COL27A1: variants seen among roughly 807,000 people sequenced by gnomAD.
COL27A1 encodes collagen alpha-1(XXVII) chain.
Under a neutral mutation model 251.3 loss-of-function variants are expected in COL27A1, and 106 were observed. The ratio of observed to expected loss-of-function variants is 0.42; its 90% CI spans 0.36 to 0.50. COL27A1 has a LOEUF of 0.50. Among genes scored for constraint, COL27A1 ranks in the 20% least tolerant of loss-of-function variants. The probability of loss-of-function intolerance (pLI) is 0.00; values close to 1 mark genes in which losing one functional copy is unlikely to be tolerated. For missense variants in COL27A1, 2,325 were observed against 2,522.8 expected (o/e 0.92, Z 1.68); for synonymous variants, 1,000 against 986.3 (o/e 1.01, Z -0.26).
rs760595254 is a variant in COL27A1 at position 114,288,910 on chromosome 9, C to G, written c.4099-4C>G. On this transcript the variant is annotated splice_region_variant and splice_polypyrimidine_tract_variant and intron_variant, in intron 43 of 60. Transcript: ENST00000356083. ...CCCCTCACCTGTCTCTCTTTGGCTT[C>G]CAGGGACAGGAGGGTGTGCAAGGCC... The G allele has an allele frequency of 1.2e-6, 2 of 1,613,696 alleles. No individual in the cohort carries two copies. The highest frequency in any genetic ancestry group is 1.7e-6 in the Non-Finnish European group (2 of 1,179,954).
At chr9:114,189,875 T>C (rs150284237) in intron 5 of COL27A1, among the ~76,000 whole-genome samples, 2 of 152,348 alleles carry the variant, frequency 1.3e-5, no homozygotes, top group African/African-American at 4.8e-5. Flanking sequence ...TGAATCACCT[T>C]ATTAATTCTA....
intron 24 of COL27A1, among the ~76,000 whole-genome samples, chr9:114,246,807 C>T (rs1833166879): frequency 6.6e-6 from 1 of 151,776 alleles, no homozygotes; most frequent in Non-Finnish European, 1.5e-5. Context: ...CATTCGAGCG[C>T]ATTCTGTGGG....
At chr9:114,203,157 T>C (rs896611092) in intron 7 of COL27A1, among the ~76,000 whole-genome samples, 9 of 152,186 alleles carry the variant, frequency 5.9e-5, no homozygotes, top group African/African-American at 1.9e-4. Context: ...TTTTTATACC[T>C]CCTTAATTAG....
chr9:114,303,532 G>C (rs1249751), intron 56 of COL27A1, among the ~76,000 whole-genome samples: 86,497 of 151,994 alleles, frequency 0.57, 24,899 homozygotes, highest in Admixed American at 0.63. Flanking sequence ...AGCCACCGTG[G>C]CCGGGCTACA....
intron 1 of COL27A1, among the ~76,000 whole-genome samples, chr9:114,159,095 G>C (rs1311565365): frequency 1.3e-5 from 2 of 152,194 alleles, no homozygotes; most frequent in African/African-American, 4.8e-5. Flanking sequence ...TTTCCAAGAG[G>C]GTCAGCTGCA....
chr9:114,182,177 A>AAATAATAATAATAATAATAATAATAAT (rs71367755), intron 4 of COL27A1, among the ~76,000 whole-genome samples: 1 of 138,120 alleles, frequency 7.2e-6, no homozygotes, highest in African/African-American at 2.6e-5. Context: ...CATCTCTATA[A>AAATAATAATAATAATAATAATAATAAT]AATAATAATA....
chr9:114,205,144 C>G lies in COL27A1; in HGVS notation c.2167C>G (p.Gln723Glu). The G allele has an allele frequency of 6.2e-7, 1 of 1,613,222 alleles. No individual in the cohort carries two copies. Among genetic ancestry groups the G allele is most frequent in the Non-Finnish European group, 8.5e-7 (1 of 1,179,940 alleles). The change falls in exon 8 of 61, where the codon CAG becomes GAG. Residue 723 changes from glutamine (Q) to glutamate (E), a missense_variant and splice_region_variant. Physicochemically the swap from Gln to Glu is conservative, Grantham distance 29 (BLOSUM62 2). Transcript: ENST00000356083. ...YPGPAGHPGEQGQPGPEGSPG... is the reference protein window; with the variant it reads ...YPGPAGHPGEEGQPGPEGSPG... ...TGGACCGGCAGGGCACCCCGGAGAA[C>G]AGGTGAGGGCCTCAGCCTCAGCCCT...
intron 48 of COL27A1, 85 bp downstream of exon 48, chr9:114,291,002 C>A: frequency 1.1e-6 from 1 of 951,736 alleles, no homozygotes; most frequent in South Asian, 1.7e-5. Context: ...TTTGGGCACC[C>A]ATGTCCCAGG....
rs1461977531 is a variant in COL27A1, at chr9:114,301,090, G to A, written c.4720G>A (p.Gly1574Arg). The A allele has an allele frequency of 3.1e-6, 5 of 1,612,570 alleles. No homozygotes were observed. The highest frequency in any genetic ancestry group is 4.2e-6 in the Non-Finnish European group (5 of 1,179,228). Residue 1574 changes from glycine (G) to arginine (R), a missense_variant, in exon 52 of 61, where the codon GGG becomes AGG. Physicochemically the swap from Gly to Arg is moderately radical, Grantham distance 125. Around this residue, in one of 4 missense-constraint regions of COL27A1, gnomAD observed 327 missense variants for 442.8 expected, o/e 0.74. Coordinates refer to ENST00000356083, the MANE Select transcript of COL27A1 (RefSeq NM_032888.4). ...CCTTTAGGGAAAGGAAGGCATCGTC[G>A]GGCCCCTCGGAATCCTGGGACCTTC... ...PGLMGKEGIVGPLGILGPSGL... is the reference protein window; with the variant it reads ...PGLMGKEGIVRPLGILGPSGL...
At chr9:114,291,179 C>T (rs1827888787) in intron 48 of COL27A1, among the ~76,000 whole-genome samples, 1 of 152,166 alleles carries the variant, frequency 6.6e-6, no homozygotes, top group African/African-American at 2.4e-5. Context: ...CCACGGGCGC[C>T]CTCTCGTGGA....
chr9:114,310,294 T>C (rs1296405264), intron 60 of COL27A1, among the ~76,000 whole-genome samples: 1 of 152,194 alleles, frequency 6.6e-6, no homozygotes, highest in Non-Finnish European at 1.5e-5. Context: ...TCTAGCAATC[T>C]AGAACAATCC....
At chr9:114,307,163 AGC>A (rs1418274335) in intron 58 of COL27A1, 11 of 178,496 alleles carry the variant, frequency 6.2e-5, no homozygotes, top group Non-Finnish European at 1.2e-5. Flanking sequence ...CCTCTGCACA[AGC>A]GGCTGGGACT....
At chr9:114,220,759 C>T (rs1205271557) in intron 13 of COL27A1, among the ~76,000 whole-genome samples, 20 of 152,030 alleles carry the variant, frequency 1.3e-4, no homozygotes, top group African/African-American at 4.1e-4. Flanking sequence ...TTTGGGAGGC[C>T]GAGGCGGCTA....
At chr9:114,205,547 C>T (rs1429935391) in intron 8 of COL27A1, among the ~76,000 whole-genome samples, 4 of 152,214 alleles carry the variant, frequency 2.6e-5, no homozygotes, top group African/African-American at 9.6e-5. Flanking sequence ...TTTCTTATTC[C>T]TGGGCTGCAA....
At position 114,250,521 on chromosome 9, in the gene COL27A1, A is replaced by C. The variant is rs921094372; in HGVS notation, c.2980-94A>C. ...GGCTGGGTGACCAGGCACGGGTGGG[A>C]GACACCTGGGAGATGAGCTTCAGGG... On this transcript the variant is annotated intron_variant, in intron 24 of 60. Coordinates refer to ENST00000356083, the MANE Select transcript of COL27A1 (RefSeq NM_032888.4). 3 of 1,171,820 alleles carry C rather than the reference A, an allele frequency of 2.6e-6. No homozygotes were observed. In the African/African-American group the frequency reaches 4.5e-5, roughly 18 times the overall value. 72.6% of individuals were successfully genotyped at this position (1,171,820 alleles called of 1,614,324 possible). A position where few individuals can be genotyped will look rare whatever the true frequency, so the allele number is the denominator to read the frequency against.
chr9:114,190,670 G>A (rs1028395411), intron 5 of COL27A1, among the ~76,000 whole-genome samples: 3 of 152,196 alleles, frequency 2.0e-5, no homozygotes, highest in Non-Finnish European at 4.4e-5. Context: ...CTACCTGCAG[G>A]AAAGGTATTC....
chr9:114,170,918 C>T (rs1849267700), intron 3 of COL27A1, among the ~76,000 whole-genome samples: 1 of 152,222 alleles, frequency 6.6e-6, no homozygotes, highest in African/African-American at 2.4e-5. Flanking sequence ...TTGCCCCCTC[C>T]TGACATGGTG....
rs1172434637 is a variant in COL27A1, at chr9:114,242,203, T to C, written c.2852T>C (p.Met951Thr). Reference sequence around the variant, plus strand: ...CAATTCTAGGGAGATGAGGGACCCATGGGGCCGCCAGGGGCCCCTGGCTTG... The same window carrying C: ...CAATTCTAGGGAGATGAGGGACCCACGGGGCCGCCAGGGGCCCCTGGCTTG... ...QLGPEGDEGP[M>T]GPPGAPGLEG... Residue 951 changes from methionine (M) to threonine (T), a missense_variant, in exon 22 of 61, where the codon ATG (methionine) becomes ACG (threonine). Met to Thr is a moderately conservative substitution (Grantham distance 81). Around this residue, in one of 4 missense-constraint regions of COL27A1, gnomAD observed 662 missense variants for 795.3 expected, o/e 0.83. Coordinates refer to ENST00000356083, the MANE Select transcript of COL27A1 (RefSeq NM_032888.4). 1.9e-6 allele frequency: 3 copies of C among 1,608,228 alleles called. No individual in the cohort carries two copies. Among genetic ancestry groups the C allele is most frequent in the East Asian group, 4.5e-5 (2 of 44,590 alleles).
chr9:114,269,375 C>A, intron 35 of COL27A1, 81 bp downstream of exon 35: 3 of 938,238 alleles, frequency 3.2e-6, no homozygotes, highest in Admixed American at 2.5e-5. Context: ...TTTTCTCAAT[C>A]TCCCTAAGCC....
Sources: gnomAD v4.1 joint callset for allele counts (sites outside exome capture counted in the v4.1 genomes callset) on GRCh38, gnomAD v4.1.1 for gene constraint, gnomAD v4.1.1 regional missense constraint, MANE v1.5 for transcripts, NCBI Gene and HGNC (gene_info 2026-07-23, HGNC 2026-07-21) for gene names.